Variants in TFCP2 observed in about 807,000 individuals in gnomAD.
The protein encoded by TFCP2 is alpha-globin transcription factor CP2.
In TFCP2, 33 loss-of-function variants were observed where a neutral mutation model predicts 73.4. That is an observed-to-expected ratio of 0.45 (90% CI 0.34 to 0.60). The LOEUF is 0.60. TFCP2 is among the 20% of genes least tolerant of loss of function. TFCP2 has a pLI of 0.01. For synonymous variants in TFCP2, 193 were observed against 211.6 expected (o/e 0.91, Z 0.76); for missense variants, 352 against 604.0 (o/e 0.58, Z 4.37).
At chr12:51,098,723 T>G (rs568308912) in intron 13 of TFCP2, 53 bp downstream of exon 13, 3 of 1,600,274 alleles carry the variant, frequency 1.9e-6, no homozygotes, top group Non-Finnish European at 2.6e-6. Context: ...TCTTGCTCCA[T>G]GCGCTGACAA....
rs1939954991 is a variant in TFCP2 at position 51,095,904 on chromosome 12, A to G, written c.1471+85T>C. On this transcript the variant is annotated intron_variant, in intron 14 of 14. Coordinates refer to ENST00000257915, the MANE Select transcript of TFCP2 (RefSeq NM_005653.5). The stretch of plus-strand genomic sequence containing the variant: ...TTACCCAAATATGGTTACTTTTCCT[A>G]TCTCTCCTCAAAGAAGTATGTACTT... 6 of 1,029,622 alleles carry G rather than the reference A, an allele frequency of 5.8e-6. No homozygotes were observed. The South Asian group carries it at 9.0e-5, about 15-fold the overall frequency. 63.8% of individuals were successfully genotyped at this position (1,029,622 alleles called of 1,614,324 possible).
intron 1 of TFCP2, among the ~76,000 whole-genome samples, chr12:51,152,542 G>T (rs2640523): frequency 6.6e-6 from 1 of 151,990 alleles, no homozygotes; most frequent in Non-Finnish European, 1.5e-5. Context: ...TTATGTAAGA[G>T]AATTTGTTTT....
At chr12:51,122,697 T>G (rs1331052934) in intron 1 of TFCP2, among the ~76,000 whole-genome samples, 1 of 152,188 alleles carries the variant, frequency 6.6e-6, no homozygotes, top group Admixed American at 6.5e-5. Flanking sequence ...CATATTAATT[T>G]TTTTCCACAT....
chr12:51,107,468 G>T, intron 6 of TFCP2, 122 bp from the exon 7 acceptor site: 1 of 732,950 alleles, frequency 1.4e-6, no homozygotes, highest in South Asian at 1.6e-5. Context: ...GTAAAGGCAA[G>T]ACACATCACT....
intron 1 of TFCP2, among the ~76,000 whole-genome samples, chr12:51,165,887 G>A (rs1024752573): frequency 3.3e-5 from 5 of 152,154 alleles, no homozygotes; most frequent in African/African-American, 4.8e-5. Flanking sequence ...GGTGGCACAT[G>A]CCTGTAGTCC....
At position 51,099,659 on chromosome 12, in the gene TFCP2, G is replaced by C. The variant is rs147813493; in HGVS notation, c.1272C>G (p.Phe424Leu). The C allele has an allele frequency of 5.5e-5, 89 of 1,614,026 alleles. No homozygotes were observed. Among genetic ancestry groups the C allele is most frequent in the Non-Finnish European group, 7.1e-5 (84 of 1,180,030 alleles). Residue 424 changes from phenylalanine to leucine, a missense_variant, in exon 12 of 15, where the codon TTC becomes TTG. Physicochemically the swap from Phe to Leu is conservative, Grantham distance 22 (BLOSUM62 0). This residue lies in a region of TFCP2 where 194 missense variants were observed against 256.3 expected (regional missense o/e 0.76). Coordinates refer to ENST00000257915, the MANE Select transcript of TFCP2 (RefSeq NM_005653.5). ...KHEDGDSNGT[F>L]FVYHAIYLEE... ...AGTGTGTCCAGAACAACCTACCGAAGAAAGTACCATTTGAGTCTCCATCCT... is the reference window on the plus strand; with the variant it reads ...AGTGTGTCCAGAACAACCTACCGAACAAAGTACCATTTGAGTCTCCATCCT...
intron 1 of TFCP2, among the ~76,000 whole-genome samples, chr12:51,154,640 G>GC (rs1267463796): frequency 1.3e-5 from 2 of 152,212 alleles, no homozygotes; most frequent in African/African-American, 4.8e-5. Flanking sequence ...GTTGCAGTGA[G>GC]CTAAGATGGT....
intron 8 of TFCP2, among the ~76,000 whole-genome samples, chr12:51,106,289 TG>T (rs1397986759): frequency 4.6e-5 from 7 of 151,508 alleles, no homozygotes; most frequent in Non-Finnish European, 1.0e-4. Flanking sequence ...TACTTTCTAG[TG>T]GGGGGAAAAA....
intron 1 of TFCP2, among the ~76,000 whole-genome samples, chr12:51,141,392 T>C (rs1399636415): frequency 1.3e-5 from 2 of 152,136 alleles, no homozygotes; most frequent in Non-Finnish European, 2.9e-5. Context: ...GAAGACTCCA[T>C]ATATTTTCAT....
At chr12:51,140,158 C>T (rs1296163172) in intron 1 of TFCP2, among the ~76,000 whole-genome samples, 1 of 152,098 alleles carries the variant, frequency 6.6e-6, no homozygotes, top group Non-Finnish European at 1.5e-5. Context: ...CACTGATGCT[C>T]CAAAGATATT....
chr12:51,171,527 G>A (rs1181896564), intron 1 of TFCP2, among the ~76,000 whole-genome samples: 1 of 152,116 alleles, frequency 6.6e-6, no homozygotes, highest in African/African-American at 2.4e-5. Context: ...ACAGGCCCGC[G>A]CCACCACACC....
At chr12:51,159,229 A>C (rs1349009819) in intron 1 of TFCP2, among the ~76,000 whole-genome samples, 2 of 151,950 alleles carry the variant, frequency 1.3e-5, no homozygotes, top group East Asian at 3.9e-4. Flanking sequence ...ACATCACTTC[A>C]GTGGTGGTAG....
At chr12:51,103,807 C>CT in intron 9 of TFCP2, 44 bp from the exon 10 acceptor site, 2 of 1,500,158 alleles carry the variant, frequency 1.3e-6, no homozygotes, top group Non-Finnish European at 1.9e-6. Context: ...ATAGATTTGT[C>CT]TGTTACCCCA....
At chr12:51,105,432 T>C (rs1020443879) in intron 8 of TFCP2, among the ~76,000 whole-genome samples, 5 of 152,180 alleles carry the variant, frequency 3.3e-5, no homozygotes, top group African/African-American at 1.2e-4. Context: ...ATTGTCCCTC[T>C]TCCCTAATGC....
chr12:51,120,328 C>T (rs1332247240), intron 1 of TFCP2, among the ~76,000 whole-genome samples: 2 of 151,632 alleles, frequency 1.3e-5, no homozygotes, highest in African/African-American at 2.4e-5. Context: ...GAATGCAACA[C>T]GGATGAATCT....
chr12:51,165,096 T>C lies in TFCP2; in HGVS notation c.122+7205A>G, dbSNP rs181535900. On this transcript the variant is annotated intron_variant, in intron 1 of 14. Coordinates refer to ENST00000257915, the MANE Select transcript of TFCP2 (RefSeq NM_005653.5). ...CAGGCTGGGCATGGTGGCTCACACC[T>C]GTAATCCTAGCACTTTGGGAGGCTG... 2.6e-5 allele frequency among the ~76,000 whole-genome samples: 4 copies of C among 152,232 alleles called. No homozygotes were observed. The East Asian group carries it at 7.7e-4, about 29-fold the overall frequency.
chr12:51,152,744 T>C (rs1010620472), intron 1 of TFCP2, among the ~76,000 whole-genome samples: 1 of 152,232 alleles, frequency 6.6e-6, no homozygotes, highest in Non-Finnish European at 1.5e-5. Context: ...GTAGTATTCA[T>C]GCAAATATTA....
At chr12:51,111,553 C>T (rs67466786) in intron 4 of TFCP2, among the ~76,000 whole-genome samples, 22,205 of 152,024 alleles carry the variant, frequency 0.15, 2,049 homozygotes, top group East Asian at 0.49. Flanking sequence ...TTTTAAAATA[C>T]GGCAATTAAA....
At chr12:51,166,751 C>T (rs1941765807) in intron 1 of TFCP2, among the ~76,000 whole-genome samples, 1 of 152,172 alleles carries the variant, frequency 6.6e-6, no homozygotes, top group South Asian at 2.1e-4. Context: ...CAAATACTGC[C>T]AAGCCCTATT....
Sources: allele counts gnomAD v4.1 joint callset (sites outside exome capture counted in the v4.1 genomes callset), GRCh38; gene constraint gnomAD v4.1.1; regional missense constraint gnomAD v4.1.1; transcripts MANE v1.5; gene names NCBI Gene and HGNC (gene_info 2026-07-23, HGNC 2026-07-21).